ANO5: variants seen among roughly 807,000 people sequenced by gnomAD.
The protein encoded by ANO5 is anoctamin-5.
ANO5 carries 109 observed loss-of-function variants against 121.0 expected under a neutral mutation model. That is an observed-to-expected ratio of 0.90 (90% CI 0.77 to 1.06). The LOEUF is 1.06. Ranked by LOEUF, ANO5 falls within the 50% of genes least tolerant of loss-of-function variation. ANO5 has a pLI of 0.00. For missense variants in ANO5, 1,064 were observed against 1,078.5 expected (o/e 0.99, Z 0.19); for synonymous variants, 406 against 359.9 (o/e 1.13, Z -1.45).
chr11:22,219,730 A>G (rs1474055076), intron 4 of ANO5, among the ~76,000 whole-genome samples: 1 of 151,936 alleles, frequency 6.6e-6, no homozygotes, highest in Admixed American at 6.6e-5. Flanking sequence ...TTAGTGATTT[A>G]TAATCAAAGT....
intron 17 of ANO5, among the ~76,000 whole-genome samples, chr11:22,264,348 A>G (rs1854292224): frequency 6.6e-6 from 1 of 152,002 alleles, no homozygotes; most frequent in African/African-American, 2.4e-5. Context: ...TTTAAGTTCT[A>G]GCTCTAGATT....
At chr11:22,241,823 T>C (rs527302958) in intron 9 of ANO5, among the ~76,000 whole-genome samples, 9 of 152,190 alleles carry the variant, frequency 5.9e-5, no homozygotes, top group African/African-American at 2.2e-4. Context: ...GTGAATGTTT[T>C]CCCCTATACT....
At chr11:22,241,447 T>C (rs548645939) in intron 9 of ANO5, among the ~76,000 whole-genome samples, 1 of 152,074 alleles carries the variant, frequency 6.6e-6, no homozygotes, top group Admixed American at 6.6e-5. Flanking sequence ...AGCTCTGTTT[T>C]AAGTTCTTTG....
intron 17 of ANO5, among the ~76,000 whole-genome samples, chr11:22,269,023 CA>C (rs1441821458): frequency 7.1e-6 from 1 of 141,060 alleles, no homozygotes; most frequent in Non-Finnish European, 1.5e-5. Context: ...AGAAGACAGA[CA>C]TAGAGAAAGA....
At chr11:22,192,873 C>G, upstream of ANO5, 1 of 665,342 alleles carries the variant, frequency 1.5e-6, no homozygotes, top group East Asian at 1.4e-4. Flanking sequence ...GCTGCATGTC[C>G]GGAGGAGGTG....
chr11:22,279,764 A>G lies in ANO5; in HGVS notation c.2741A>G (p.Ter914=), dbSNP rs187595147. The change falls in exon 22 of 22, where the codon TAA becomes TGA. Residue 914 remains the stop codon, a stop_retained_variant. Transcript: ENST00000324559. ...NKAQLAKSTL[*] is the part of the protein sequence containing the mutation. ...GCACAGCTGGCTAAATCAACACTCT[A>G]ATCAGTATAGTGAGGAAGCAGCAGG... The G allele has an allele frequency of 1.4e-5, 23 of 1,610,680 alleles. No homozygotes were observed. In the Admixed American group the frequency reaches 1.5e-4, roughly 11 times the overall value.
Position 22,226,880 on chromosome 11 carries a change from G to A in ANO5, c.364-422G>A, listed in dbSNP as rs567149841. Among the ~76,000 whole-genome samples, 3 of 152,234 alleles carry A rather than the reference G, an allele frequency of 2.0e-5. No individual in the cohort carries two copies. The East Asian group carries it at 5.8e-4, about 29-fold the overall frequency. On this transcript the variant is annotated intron_variant, in intron 6 of 21. Coordinates refer to ENST00000324559, the MANE Select transcript of ANO5 (RefSeq NM_213599.3). ...AACAAAGAAGCTGGGTAAGAAGAGT[G>A]AGTACGTTTTACAGTTTATATGTAT...
At chr11:22,229,670 G>A (rs75879991) in intron 7 of ANO5, among the ~76,000 whole-genome samples, 2,067 of 152,072 alleles carry the variant, frequency 0.014, 20 homozygotes, top group Non-Finnish European at 0.022. Flanking sequence ...TTCATAAAAA[G>A]CCAGTGAACT....
At chr11:22,217,806 C>A (rs910524019) in intron 3 of ANO5, among the ~76,000 whole-genome samples, 4 of 151,396 alleles carry the variant, frequency 2.6e-5, no homozygotes, top group African/African-American at 9.7e-5. Context: ...GGGAGAGAAG[C>A]AGGAAAAATA....
intron 1 of ANO5, among the ~76,000 whole-genome samples, chr11:22,201,651 G>A (rs1851967763): frequency 6.6e-6 from 1 of 152,168 alleles, no homozygotes; most frequent in Non-Finnish European, 1.5e-5. Flanking sequence ...CGTCTGGTGA[G>A]CCCCTTCTTG....
intron 4 of ANO5, among the ~76,000 whole-genome samples, chr11:22,219,648 T>C (rs1852575508): frequency 6.6e-6 from 1 of 152,046 alleles, no homozygotes; most frequent in Admixed American, 6.6e-5. Context: ...GTGAATTTCA[T>C]AAGATGCTAA....
At position 22,257,723 on chromosome 11, in the gene ANO5, A is replaced by T. The variant is rs1339858740; in HGVS notation, c.1376A>T (p.Tyr459Phe). ...CCTCTATACACGCGTATTCCATGGTACTTTCTTTCAGGAGCCACAGTGACA... is the reference window on the plus strand; with the variant it reads ...CCTCTATACACGCGTATTCCATGGTTCTTTCTTTCAGGAGCCACAGTGACA... ...YMPLYTRIPW[Y>F]FLSGATVTLW... Residue 459 changes from tyrosine to phenylalanine, a missense_variant, in exon 14 of 22, where the codon TAC (tyrosine) becomes TTC (phenylalanine). Transcript: ENST00000324559. 3 of 1,612,664 alleles carry T rather than the reference A, an allele frequency of 1.9e-6. No individual in the cohort carries two copies. Among genetic ancestry groups the T allele is most frequent in the Non-Finnish European group, 2.5e-6 (3 of 1,178,976 alleles).
intron 5 of ANO5, 101 bp downstream of exon 5, chr11:22,221,311 T>G (rs1005089163): frequency 9.6e-7 from 1 of 1,036,900 alleles, no homozygotes; most frequent in Non-Finnish European, 1.4e-6. Flanking sequence ...TGAGAGGCCC[T>G]GAAGTGTTAC....
At chr11:22,226,170 C>T (rs1215813720) in intron 6 of ANO5, 118 bp downstream of exon 6, 2 of 787,302 alleles carry the variant, frequency 2.5e-6, no homozygotes, top group Non-Finnish European at 4.3e-6. Context: ...CTTTTGGCTA[C>T]AGATATGTGC....
intron 6 of ANO5, among the ~76,000 whole-genome samples, chr11:22,226,462 A>G (rs574000320): frequency 6.6e-6 from 1 of 152,216 alleles, no homozygotes; most frequent in East Asian, 1.9e-4. Context: ...CATTTTATTT[A>G]CTGTTTTTCT....
chr11:22,211,177 TAC>T (rs1852263811), intron 2 of ANO5, 85 bp from the exon 3 acceptor site: 3 of 1,366,080 alleles, frequency 2.2e-6, no homozygotes, highest in Non-Finnish European at 2.1e-6. Context: ...GCATAGAGAT[TAC>T]AGAGTTGTTA....
intron 12 of ANO5, among the ~76,000 whole-genome samples, chr11:22,252,897 C>A (rs769567331): frequency 6.6e-6 from 1 of 152,032 alleles, no homozygotes; most frequent in Admixed American, 6.6e-5. Flanking sequence ...TTTAAATATG[C>A]ACATACATGG....
rs762352122 is a variant in ANO5, at chr11:22,276,141, A to C, written c.2462A>C (p.His821Pro). The C allele has an allele frequency of 5.0e-6, 8 of 1,611,596 alleles. No homozygotes were observed. Among genetic ancestry groups the C allele is most frequent in the Non-Finnish European group, 5.9e-6 (7 of 1,178,234 alleles). ...YPPDDENKYF[H>P]NMQFWHVLAA... ...CCTGATGACGAGAATAAATATTTTCATAATATGCAATTCTGGCATGTCCTT... is the reference window on the plus strand; with the variant it reads ...CCTGATGACGAGAATAAATATTTTCCTAATATGCAATTCTGGCATGTCCTT... The change falls in exon 21 of 22, where the codon CAT becomes CCT. Residue 821 changes from histidine to proline, a missense_variant. Transcript: ENST00000324559.
chr11:22,231,855 C>T (rs529069797), intron 7 of ANO5, among the ~76,000 whole-genome samples: 12 of 152,088 alleles, frequency 7.9e-5, no homozygotes, highest in African/African-American at 2.9e-4. Flanking sequence ...ACATACCTTT[C>T]TGGACACAAG....
Sources: allele counts gnomAD v4.1 joint callset (sites outside exome capture counted in the v4.1 genomes callset), GRCh38; gene constraint gnomAD v4.1.1; transcripts MANE v1.5; gene names NCBI Gene and HGNC (gene_info 2026-07-23, HGNC 2026-07-21).